TRHDE: variants seen among roughly 807,000 people sequenced by gnomAD.
The protein encoded by TRHDE is thyrotropin releasing hormone degrading enzyme, also known as thyrotropin-releasing hormone-degrading ectoenzyme.
TRHDE carries 72 observed loss-of-function variants against 125.7 expected under a neutral mutation model. The observed-to-expected ratio is 0.57, with a 90% CI of 0.47 to 0.70. The LOEUF (loss-of-function observed/expected upper bound fraction) is 0.70. TRHDE is among the 30% of genes least tolerant of loss of function. TRHDE has a pLI of 0.00. For missense variants in TRHDE, 1,110 were observed against 1,327.1 expected, an observed-to-expected ratio of 0.84 and a Z score of 2.54; for synonymous variants, 509 against 509.1, an observed-to-expected ratio of 1.00 and a Z score of 0.00.
intron 3 of TRHDE, among the ~76,000 whole-genome samples, chr12:72,419,963 A>G (rs1046345803): frequency 1.3e-5 from 2 of 152,238 alleles, no homozygotes; most frequent in African/African-American, 4.8e-5. Flanking sequence ...CTCATTTTCC[A>G]AAGAAGCAAA....
intron 2 of TRHDE, among the ~76,000 whole-genome samples, chr12:72,359,988 T>TA (rs959132801): frequency 9.9e-5 from 15 of 151,638 alleles, no homozygotes; most frequent in African/African-American, 3.4e-4. Flanking sequence ...AAGGGCATTA[T>TA]AAGTCAGTGG....
chr12:72,496,071 A>G (rs1414941105), intron 5 of TRHDE, among the ~76,000 whole-genome samples: 1 of 152,178 alleles, frequency 6.6e-6, no homozygotes, highest in Non-Finnish European at 1.5e-5. Flanking sequence ...CTGCTTTTTC[A>G]AAGTGTTAGG....
intron 15 of TRHDE, among the ~76,000 whole-genome samples, chr12:72,625,545 T>A (rs955648957): frequency 2.0e-5 from 3 of 151,906 alleles, no homozygotes; most frequent in Admixed American, 6.6e-5. Context: ...TGAGCTTCAC[T>A]ACTTATTCAA....
At chr12:72,309,732 A>AT (rs1868451984) in intron 2 of TRHDE, 1 of 150,588 alleles carries the variant, frequency 6.6e-6, no homozygotes, top group Non-Finnish European at 1.5e-5. Flanking sequence ...TAGCAGAAAA[A>AT]TAAAAAAAAG....
chr12:72,354,589 T>C (rs12304638), intron 2 of TRHDE, among the ~76,000 whole-genome samples: 8,721 of 151,158 alleles, frequency 0.058, 471 homozygotes, highest in African/African-American at 0.13. Context: ...CATCTGAGAT[T>C]CAAACAAAAC....
chr12:72,194,569 C>A (rs930196859), intron 2 of TRHDE, among the ~76,000 whole-genome samples: 5 of 151,948 alleles, frequency 3.3e-5, no homozygotes, highest in Non-Finnish European at 7.4e-5. Flanking sequence ...CTGTTGTTGC[C>A]ATCTTTATGT....
intron 2 of TRHDE, among the ~76,000 whole-genome samples, chr12:72,376,953 T>C (rs1871913774): frequency 6.6e-6 from 1 of 152,098 alleles, no homozygotes; most frequent in Admixed American, 6.5e-5. Context: ...GTTTTAGAAC[T>C]GAAAGCACTT....
chr12:72,594,923 C>A (rs1871862714), intron 12 of TRHDE, among the ~76,000 whole-genome samples: 1 of 151,708 alleles, frequency 6.6e-6, no homozygotes, highest in South Asian at 2.1e-4. Context: ...CCATGGAATA[C>A]CATGCAGCCA....
In TRHDE at chr12:72,603,748, C is replaced by T. The variant is rs969202208; in HGVS notation, c.2322-15143C>T. On this transcript the variant is annotated intron_variant, in intron 12 of 18. Transcript: ENST00000261180. ...TCAAAACAAAAAACAAAAAACAAAA[C>T]AAAACAACAACAACAACAAAAAAAC... Among the ~76,000 whole-genome samples the T allele has an allele frequency of 4.8e-5, 7 of 146,908 alleles. No homozygotes were observed. The South Asian group carries it at 1.5e-3, about 31-fold the overall frequency.
chr12:72,533,721 TTG>T (rs1868689104), intron 6 of TRHDE, among the ~76,000 whole-genome samples: 9 of 131,824 alleles, frequency 6.8e-5, no homozygotes, highest in Admixed American at 6.0e-4. Flanking sequence ...TGTTTTCTAT[TTG>T]TTTTTTTTTT....
chr12:72,268,861 C>T (rs1879128608), upstream of TRHDE, among the ~76,000 whole-genome samples: 1 of 152,036 alleles, frequency 6.6e-6, no homozygotes, highest in Non-Finnish European at 1.5e-5. Flanking sequence ...AATATGGCCA[C>T]ATCATGACTT....
chr12:72,657,892 C>A (rs1385840475), intron 18 of TRHDE, among the ~76,000 whole-genome samples: 1 of 152,136 alleles, frequency 6.6e-6, no homozygotes, highest in Non-Finnish European at 1.5e-5. Context: ...TGATATTTGA[C>A]ATTGAGAATG....
At chr12:72,276,818 C>G (rs909328393) in intron 1 of TRHDE, among the ~76,000 whole-genome samples, 1 of 152,166 alleles carries the variant, frequency 6.6e-6, no homozygotes, top group East Asian at 1.9e-4. Flanking sequence ...AATACATACT[C>G]ACTTTTTCAT....
chr12:72,533,859 T>G (rs1336453306), intron 6 of TRHDE, among the ~76,000 whole-genome samples: 1 of 152,132 alleles, frequency 6.6e-6, no homozygotes, highest in African/African-American at 2.4e-5. Context: ...AAAGTTTTTG[T>G]TTTTTTGTCT....
At chr12:72,137,918 A>G (rs527259818) in intron 2 of TRHDE, among the ~76,000 whole-genome samples, 2 of 152,248 alleles carry the variant, frequency 1.3e-5, no homozygotes, top group Non-Finnish European at 2.9e-5. Context: ...CGTGACATAT[A>G]GTTTAAACTA....
intron 3 of TRHDE, among the ~76,000 whole-genome samples, chr12:72,405,960 C>A (rs1873247639): frequency 6.6e-6 from 1 of 152,146 alleles, no homozygotes; most frequent in Non-Finnish European, 1.5e-5. Context: ...CATTAACTCC[C>A]TCAATATTCA....
intron 12 of TRHDE, chr12:72,582,303 G>T: frequency 1.0e-6 from 1 of 984,632 alleles, no homozygotes; most frequent in Non-Finnish European, 1.2e-6. Context: ...TAAAGAAGAA[G>T]AAAATTATGA....
intron 7 of TRHDE, among the ~76,000 whole-genome samples, chr12:72,546,726 G>A (rs535131723): frequency 7.3e-5 from 11 of 151,634 alleles, no homozygotes; most frequent in African/African-American, 2.7e-4. Flanking sequence ...CTGTTGGCAG[G>A]GTTATGGAAG....
chr12:72,456,444 T>G (rs1366301971), intron 3 of TRHDE, among the ~76,000 whole-genome samples: 1 of 152,144 alleles, frequency 6.6e-6, no homozygotes, highest in Non-Finnish European at 1.5e-5. Context: ...TTTAAACAGA[T>G]TCCAAGGACA....
Sources: gnomAD v4.1 joint callset for allele counts (sites outside exome capture counted in the v4.1 genomes callset) on GRCh38, gnomAD v4.1.1 for gene constraint, MANE v1.5 for transcripts, NCBI Gene and HGNC (gene_info 2026-07-23, HGNC 2026-07-21) for gene names.